The following ANKRD31 variants were observed in gnomAD, a reference collection of about 807,000 sequenced individuals.
ANKRD31 encodes ankyrin repeat domain 31.
In ANKRD31, 147 loss-of-function variants were observed where a neutral mutation model predicts 186.0. That is an observed-to-expected ratio of 0.79 (90% CI 0.69 to 0.91). The LOEUF (loss-of-function observed/expected upper bound fraction) is 0.91. ANKRD31 is among the 40% of genes least tolerant of loss of function. The probability of loss-of-function intolerance (pLI) is 0.00; values close to 1 mark genes in which losing one functional copy is unlikely to be tolerated. For missense variants in ANKRD31, 1,986 were observed against 2,148.8 expected (o/e 0.92, Z 1.50); for synonymous variants, 673 against 736.4 (o/e 0.91, Z 1.39).
chr5:75,154,118 A>C (rs1456123572), intron 12 of ANKRD31, 83 bp downstream of exon 12: 1 of 1,253,812 alleles, frequency 8.0e-7, no homozygotes, highest in East Asian at 2.7e-5. Flanking sequence ...GAGAAAAATA[A>C]ATTTAATTTC....
At chr5:75,177,287 G>A (rs977097629) in intron 10 of ANKRD31, among the ~76,000 whole-genome samples, 5 of 152,170 alleles carry the variant, frequency 3.3e-5, no homozygotes, top group Non-Finnish European at 7.3e-5. Flanking sequence ...AGGGAGAATG[G>A]AACCAAGTTG....
intron 20 of ANKRD31, among the ~76,000 whole-genome samples, chr5:75,107,921 T>G (rs1031176509): frequency 6.6e-6 from 1 of 152,028 alleles, no homozygotes; most frequent in Non-Finnish European, 1.5e-5. Flanking sequence ...ACCTGTGAAA[T>G]GAAGGTAGTA....
At chr5:75,190,005 T>A (rs539734485) in intron 9 of ANKRD31, among the ~76,000 whole-genome samples, 1 of 83,328 alleles carries the variant, frequency 1.2e-5, no homozygotes, top group African/African-American at 4.8e-5. Flanking sequence ...TTGTTTAGAA[T>A]TTTTTTTTTT....
At chr5:75,132,725 A>G (rs1749976305) in intron 17 of ANKRD31, among the ~76,000 whole-genome samples, 1 of 152,192 alleles carries the variant, frequency 6.6e-6, no homozygotes, top group Admixed American at 6.5e-5. Context: ...CAGATTCACC[A>G]AAGTTGAAAT....
chr5:75,072,816 C>T (rs954345421), intron 25 of ANKRD31, among the ~76,000 whole-genome samples: 5 of 152,076 alleles, frequency 3.3e-5, no homozygotes, highest in Admixed American at 2.0e-4. Flanking sequence ...ACTACAATAA[C>T]GATATTACAA....
In ANKRD31 at chr5:75,146,781, AC is replaced by A; in HGVS notation, c.2629del (p.Val877SerfsTer18). 1 of 1,536,178 alleles carries A rather than the reference AC, an allele frequency of 6.5e-7. No individual in the cohort carries two copies. Among genetic ancestry groups the A allele is most frequent in the Non-Finnish European group, 8.7e-7 (1 of 1,146,262 alleles). ...LYKSHENSNL[V>X]PKDERFNKWE... ...TTTGTTAAATCTCTCATCTTTTGGG[AC>A]CAAGTTACTGTTTTCATGAGATTTA... is the stretch of plus-strand genomic sequence containing the variant. On this transcript the variant is annotated frameshift_variant, in exon 14 of 26. Transcript: ENST00000506364. LOFTEE classifies it high-confidence loss of function.
chr5:75,182,248 T>C (rs955572346), intron 10 of ANKRD31, among the ~76,000 whole-genome samples: 3 of 152,168 alleles, frequency 2.0e-5, no homozygotes, highest in African/African-American at 4.8e-5. Context: ...CTTACCAATA[T>C]GTACATTGGT....
chr5:75,152,327 A>G (rs1435763643), intron 12 of ANKRD31, among the ~76,000 whole-genome samples: 6 of 152,074 alleles, frequency 3.9e-5, no homozygotes, highest in Non-Finnish European at 8.8e-5. Flanking sequence ...GAGCTTTAGC[A>G]GAGGATAGGT....
chr5:75,206,504 T>C lies in ANKRD31; in HGVS notation c.327-17A>G, dbSNP rs766902931. On this transcript the variant is annotated splice_polypyrimidine_tract_variant and intron_variant, in intron 4 of 25. Transcript: ENST00000506364. ...TTTCTAGTCCTAAAAAATCAATTAA[T>C]AAAAATAAATTTTAAAATGGAAGAA... The C allele has an allele frequency of 4.4e-6, 6 of 1,356,734 alleles. No individual in the cohort carries two copies. The highest frequency in any genetic ancestry group is 1.5e-5 in the African/African-American group (1 of 67,588). The allele number at this position is 1,356,734 out of a possible 1,614,324, so 84.0% of individuals were successfully genotyped here. A position where few individuals can be genotyped will look rare whatever the true frequency, so the allele number is the denominator to read the frequency against.
intron 25 of ANKRD31, among the ~76,000 whole-genome samples, chr5:75,072,603 G>C (rs144708094): frequency 1.3e-4 from 20 of 152,260 alleles, no homozygotes; most frequent in African/African-American, 4.6e-4. Flanking sequence ...GTTTTCTGTT[G>C]CATGCAGCCA....
At position 75,106,344 on chromosome 5, in the gene ANKRD31, T is replaced by C. The variant is rs185934379; in HGVS notation, c.4341-1126A>G. ...GCTGTTTTAAGGAAAAGCAATAATATAGATATATCTTGCCTCTCCTATCAA... is the reference window on the plus strand; with the variant it reads ...GCTGTTTTAAGGAAAAGCAATAATACAGATATATCTTGCCTCTCCTATCAA... On this transcript the variant is annotated intron_variant, in intron 21 of 25. Coordinates refer to ENST00000506364, the MANE Select transcript of ANKRD31 (RefSeq NM_001372053.1). 7.6e-4 allele frequency among the ~76,000 whole-genome samples: 116 copies of C among 152,196 alleles called. 1 individual carries two copies. Among genetic ancestry groups the C allele is most frequent in the Middle Eastern group, 6.8e-3 (2 of 294 alleles).
At chr5:75,178,121 T>A (rs535000626) in intron 10 of ANKRD31, among the ~76,000 whole-genome samples, 1 of 151,778 alleles carries the variant, frequency 6.6e-6, no homozygotes, top group Non-Finnish European at 1.5e-5. Context: ...CCAACAAAGA[T>A]CAAAAGAGAC....
chr5:75,155,326 T>C (rs1349717179), intron 11 of ANKRD31, among the ~76,000 whole-genome samples: 2 of 152,130 alleles, frequency 1.3e-5, no homozygotes, highest in Non-Finnish European at 2.9e-5. Context: ...AATGGTCATA[T>C]ATTATATACA....
At chr5:75,135,195 G>C (rs561635879) in intron 17 of ANKRD31, among the ~76,000 whole-genome samples, 2 of 152,064 alleles carry the variant, frequency 1.3e-5, no homozygotes, top group Admixed American at 6.6e-5. Context: ...AGAAATAAAG[G>C]GTATTGAATT....
chr5:75,090,270 G>T (rs903560049), intron 23 of ANKRD31, among the ~76,000 whole-genome samples: 6 of 152,138 alleles, frequency 3.9e-5, no homozygotes, highest in African/African-American at 1.4e-4. Flanking sequence ...ACAAACTTTG[G>T]GAAAAAGTCA....
Position 75,116,599 on chromosome 5 carries a change from T to C in ANKRD31, c.4122A>G (p.Ser1374=). ...GGCTTTCTCTTGATCTTTCTTGGTG[T>C]GAAAGGGAAGATGAGTCAATAGTTT... ...DGKTIDSSSL[S]HQERSRESLS... The change falls in exon 19 of 26, where the codon TCA becomes TCG. Residue 1374 remains serine, a synonymous_variant. Coordinates refer to ENST00000506364, the MANE Select transcript of ANKRD31 (RefSeq NM_001372053.1). 1 of 1,468,072 alleles carries C rather than the reference T, an allele frequency of 6.8e-7. No homozygotes were observed. The highest frequency in any genetic ancestry group is 9.1e-7 in the Non-Finnish European group (1 of 1,104,464). 90.9% of individuals were successfully genotyped at this position (1,468,072 alleles called of 1,614,324 possible). A position where few individuals can be genotyped will look rare whatever the true frequency, so the allele number is the denominator to read the frequency against.
chr5:75,143,573 A>C lies in ANKRD31; in HGVS notation c.3595+428T>G, dbSNP rs1182026446. On this transcript the variant is annotated intron_variant, in intron 15 of 25. Transcript: ENST00000506364. ...GACAGAACTATCTCCAAGAACTATCAAAGGATGCTTAGCTTGTCCGTACTG... is the reference window on the plus strand; with the variant it reads ...GACAGAACTATCTCCAAGAACTATCCAAGGATGCTTAGCTTGTCCGTACTG... Among the ~76,000 whole-genome samples the C allele has an allele frequency of 3.3e-5, 5 of 152,140 alleles. No individual in the cohort carries two copies. In the East Asian group the frequency reaches 9.6e-4, roughly 29 times the overall value.
At chr5:75,152,431 TA>T (rs1751902841) in intron 12 of ANKRD31, among the ~76,000 whole-genome samples, 1 of 152,028 alleles carries the variant, frequency 6.6e-6, no homozygotes, top group Non-Finnish European at 1.5e-5. Flanking sequence ...ATTTTCAGAT[TA>T]AACTTTCCTG....
At chr5:75,117,481 T>C (rs1366711585) in intron 18 of ANKRD31, among the ~76,000 whole-genome samples, 1 of 152,184 alleles carries the variant, frequency 6.6e-6, no homozygotes, top group Non-Finnish European at 1.5e-5. Flanking sequence ...TGACGAATTA[T>C]ATCGGTAATT....
Sources: gnomAD v4.1 joint callset for allele counts (sites outside exome capture counted in the v4.1 genomes callset) on GRCh38, gnomAD v4.1.1 for gene constraint, MANE v1.5 for transcripts, NCBI Gene and HGNC (gene_info 2026-07-23, HGNC 2026-07-21) for gene names.